Variants in ARFGEF2 observed in about 807,000 individuals in gnomAD.
ARFGEF2 encodes ARF guanine nucleotide exchange factor 2, also known as brefeldin A-inhibited guanine nucleotide-exchange protein 2.
ARFGEF2 carries 74 observed loss-of-function variants against 219.9 expected under a neutral mutation model. That is an observed-to-expected ratio of 0.34 (90% CI 0.28 to 0.41). The LOEUF (loss-of-function observed/expected upper bound fraction) is 0.41. ARFGEF2 is among the 10% of genes least tolerant of loss of function. The probability of loss-of-function intolerance (pLI) is 1.00; values close to 1 mark genes in which losing one functional copy is unlikely to be tolerated. For missense variants in ARFGEF2, 1,743 were observed against 2,218.3 expected (o/e 0.79, Z 4.30); for synonymous variants, 733 against 799.2 (o/e 0.92, Z 1.40).
intron 14 of ARFGEF2, among the ~76,000 whole-genome samples, chr20:48,977,575 T>C (rs536163507): frequency 7.5e-4 from 114 of 152,366 alleles, no homozygotes; most frequent in African/African-American, 2.5e-3. Flanking sequence ...ATGGTTGGAC[T>C]AGTTTACATT....
intron 1 of ARFGEF2, among the ~76,000 whole-genome samples, chr20:48,932,257 T>G (rs1388428164): frequency 6.6e-6 from 1 of 152,194 alleles, no homozygotes; most frequent in Non-Finnish European, 1.5e-5. Context: ...AGTCTCCTTG[T>G]GCCCACTTCT....
chr20:49,014,032 G>C, intron 30 of ARFGEF2, 72 bp downstream of exon 30: 1 of 1,596,366 alleles, frequency 6.3e-7, no homozygotes, highest in Non-Finnish European at 8.6e-7. Flanking sequence ...TTTGCCTCTG[G>C]GGGCTGCATC....
At chr20:49,021,723 C>G (rs181158097) in intron 34 of ARFGEF2, among the ~76,000 whole-genome samples, 2 of 151,348 alleles carry the variant, frequency 1.3e-5, no homozygotes, top group Admixed American at 1.3e-4. Context: ...GTGCCGGGTG[C>G]CTGTAGTCCC....
At chr20:48,982,635 C>G (rs1335746946) in intron 14 of ARFGEF2, among the ~76,000 whole-genome samples, 2 of 152,198 alleles carry the variant, frequency 1.3e-5, no homozygotes, top group Admixed American at 6.5e-5. Flanking sequence ...CCTTGCAGAG[C>G]TGTGGTGGGC....
intron 1 of ARFGEF2, among the ~76,000 whole-genome samples, chr20:48,935,230 G>A (rs986544074): frequency 9.2e-5 from 14 of 152,154 alleles, no homozygotes; most frequent in African/African-American, 3.4e-4. Context: ...CCTAGGCAGA[G>A]GACCCTGCGG....
At chr20:48,999,762 A>AG (rs58666884) in intron 25 of ARFGEF2, among the ~76,000 whole-genome samples, 3,301 of 151,500 alleles carry the variant, frequency 0.022, 132 homozygotes, top group African/African-American at 0.075. Context: ...AAAAAAAAAA[A>AG]AAAAAAGAAA....
In ARFGEF2 at chr20:48,965,876, A is replaced by G. The variant is rs1383318744; in HGVS notation, c.912A>G (p.Ala304=). Residue 304 remains alanine, a synonymous_variant, in exon 8 of 39, where the codon GCA becomes GCG. Coordinates refer to ENST00000371917, the MANE Select transcript of ARFGEF2 (RefSeq NM_006420.3). ...EDVVTSAIKE[A]AEKHGLTEPE... is the part of the protein sequence containing the mutation. ...ACTTTGTACTTGTGTTTTAAGAAGCAGCGGAAAAGCATGGTCTGACAGAAC... is the reference window on the plus strand; with the variant it reads ...ACTTTGTACTTGTGTTTTAAGAAGCGGCGGAAAAGCATGGTCTGACAGAAC... The G allele has an allele frequency of 1.9e-6, 3 of 1,614,190 alleles. No homozygotes were observed. Among genetic ancestry groups the G allele is most frequent in the East Asian group, 2.2e-5 (1 of 44,888 alleles).
intron 10 of ARFGEF2, among the ~76,000 whole-genome samples, chr20:48,971,768 G>A (rs1319967889): frequency 2.0e-5 from 3 of 152,102 alleles, no homozygotes; most frequent in Non-Finnish European, 4.4e-5. Context: ...AGGCGTGGTG[G>A]CAGGCGCCTG....
intron 37 of ARFGEF2, among the ~76,000 whole-genome samples, chr20:49,031,422 G>T (rs1246847281): frequency 1.3e-5 from 2 of 151,794 alleles, no homozygotes; most frequent in Admixed American, 1.3e-4. Context: ...TAGAAATGGG[G>T]GTTTGCTACA....
chr20:48,989,250 C>G, intron 18 of ARFGEF2, 35 bp from the exon 19 acceptor site: 1 of 1,613,276 alleles, frequency 6.2e-7, no homozygotes, highest in Non-Finnish European at 8.5e-7. Flanking sequence ...CCCTCAGTGA[C>G]TGCTAGCCAC....
intron 3 of ARFGEF2, among the ~76,000 whole-genome samples, chr20:48,942,366 T>A (rs187750445): frequency 5.9e-5 from 9 of 152,128 alleles, no homozygotes; most frequent in African/African-American, 2.2e-4. Context: ...CCCAGGCTGG[T>A]CTTACACTTC....
intron 14 of ARFGEF2, among the ~76,000 whole-genome samples, chr20:48,983,151 T>G (rs2091307225): frequency 6.6e-6 from 1 of 152,216 alleles, no homozygotes; most frequent in South Asian, 2.1e-4. Flanking sequence ...TTGTTTTATT[T>G]ACGTATATAT....
chr20:48,941,256 G>A (rs1429316065), intron 2 of ARFGEF2, 27 bp downstream of exon 2: 1 of 1,611,126 alleles, frequency 6.2e-7, no homozygotes, highest in Admixed American at 1.7e-5. Flanking sequence ...CCTCCTTGCT[G>A]AGATACGGCA....
intron 16 of ARFGEF2, among the ~76,000 whole-genome samples, chr20:48,986,277 A>C (rs553934580): frequency 6.6e-6 from 1 of 152,276 alleles, no homozygotes; most frequent in East Asian, 1.9e-4. Context: ...ACCTGTCCAA[A>C]ATTAATCAGC....
At position 48,971,278 on chromosome 20, in the gene ARFGEF2, A is replaced by G. The variant is rs758659383; in HGVS notation, c.1349A>G (p.Asp450Gly). 6.2e-6 allele frequency: 10 copies of G among 1,614,160 alleles called. No homozygotes were observed. The highest frequency in any genetic ancestry group is 8.5e-6 in the Non-Finnish European group (10 of 1,180,042). Reference protein sequence around the residue: ...LSKNGVSSVPDVFELSLAIFL... With the variant: ...LSKNGVSSVPGVFELSLAIFL... ...AAAAACGGCGTCTCTTCAGTGCCTG[A>G]TGTCTTTGAGCTCTCTCTTGCCATT... Residue 450 changes from aspartate (D) to glycine (G), a missense_variant, in exon 10 of 39, where the codon GAT (aspartate) becomes GGT (glycine). Asp to Gly is a moderately conservative substitution (Grantham distance 94). Around this residue, in one of 5 missense-constraint regions of ARFGEF2, gnomAD observed 666 missense variants for 955.4 expected, o/e 0.70. Coordinates refer to ENST00000371917, the MANE Select transcript of ARFGEF2 (RefSeq NM_006420.3).
chr20:49,030,000 C>T (rs967322134), intron 37 of ARFGEF2, among the ~76,000 whole-genome samples: 13 of 150,390 alleles, frequency 8.6e-5, no homozygotes, highest in African/African-American at 2.4e-4. Flanking sequence ...CTCTGCCTCC[C>T]GGGTTCAAGT....
chr20:48,928,699 T>G (rs1203698283), intron 1 of ARFGEF2, among the ~76,000 whole-genome samples: 1 of 151,104 alleles, frequency 6.6e-6, no homozygotes, highest in African/African-American at 2.4e-5. Context: ...TTTCACCGTG[T>G]TAGCCAGGAT....
intron 8 of ARFGEF2, among the ~76,000 whole-genome samples, chr20:48,967,349 A>G (rs1349119475): frequency 2.0e-5 from 3 of 152,148 alleles, no homozygotes; most frequent in African/African-American, 4.8e-5. Context: ...CCAATTCCCT[A>G]TTGGGTTTTT....
intron 36 of ARFGEF2, among the ~76,000 whole-genome samples, chr20:49,027,176 C>T (rs992201113): frequency 2.6e-5 from 4 of 151,844 alleles, no homozygotes; most frequent in African/African-American, 9.7e-5. Context: ...CCTCTAGCCT[C>T]CTGGGTTCAA....
Sources: gnomAD v4.1 joint callset for allele counts (sites outside exome capture counted in the v4.1 genomes callset) on GRCh38, gnomAD v4.1.1 for gene constraint, gnomAD v4.1.1 regional missense constraint, MANE v1.5 for transcripts, NCBI Gene and HGNC (gene_info 2026-07-23, HGNC 2026-07-21) for gene names.